The following FSHR variants were observed in gnomAD, a reference collection of about 807,000 sequenced individuals.
FSHR encodes follicle stimulating hormone receptor, also known as follicle-stimulating hormone receptor.
Under a neutral mutation model 52.1 loss-of-function variants are expected in FSHR, and 46 were observed. The ratio of observed to expected loss-of-function variants is 0.88; its 90% CI spans 0.70 to 1.13. FSHR has a LOEUF of 1.13. Among genes scored for constraint, FSHR ranks in the 50% most tolerant of loss-of-function variants. FSHR has a pLI of 0.00. For synonymous variants in FSHR, 399 were observed against 309.6 expected (o/e 1.29, Z -3.03); for missense variants, 964 against 834.6 (o/e 1.16, Z -1.91).
intron 4 of FSHR, among the ~76,000 whole-genome samples, chr2:49,012,335 T>C (rs993049501): frequency 7.9e-5 from 12 of 152,164 alleles, no homozygotes; most frequent in Admixed American, 6.6e-4. Flanking sequence ...AAATACAATA[T>C]TGACTTAAAA....
intron 1 of FSHR, among the ~76,000 whole-genome samples, chr2:49,147,141 T>C (rs897185289): frequency 6.6e-6 from 1 of 152,082 alleles, no homozygotes; most frequent in African/African-American, 2.4e-5. Context: ...GGTAATGGCA[T>C]GTTCAGGTCA....
At chr2:49,082,886 G>A (rs1408416949) in intron 1 of FSHR, among the ~76,000 whole-genome samples, 2 of 152,104 alleles carry the variant, frequency 1.3e-5, no homozygotes, top group Admixed American at 1.3e-4. Context: ...ACCTGAAAGT[G>A]ACGGGGAGAA....
At chr2:48,971,335 T>G (rs543080588) in intron 8 of FSHR, among the ~76,000 whole-genome samples, 30 of 152,348 alleles carry the variant, frequency 2.0e-4, no homozygotes, top group South Asian at 1.5e-3. Context: ...CTTCTCTGTC[T>G]CAGGCAGCAA....
At chr2:49,043,247 G>T (rs1370310448) in intron 2 of FSHR, among the ~76,000 whole-genome samples, 1 of 151,918 alleles carries the variant, frequency 6.6e-6, no homozygotes, top group Non-Finnish European at 1.5e-5. Context: ...TCCCAGGTGT[G>T]GTTTGCCACT....
At chr2:49,121,673 T>G (rs961354379) in intron 1 of FSHR, among the ~76,000 whole-genome samples, 2 of 152,210 alleles carry the variant, frequency 1.3e-5, no homozygotes, top group Admixed American at 1.3e-4. Flanking sequence ...GGTGCTTATA[T>G]AGACAGCAGC....
At chr2:49,057,644 T>C (rs972912219) in intron 2 of FSHR, among the ~76,000 whole-genome samples, 3 of 152,148 alleles carry the variant, frequency 2.0e-5, no homozygotes, top group Admixed American at 6.5e-5. Flanking sequence ...ATTCTGAAAA[T>C]TGAAGCAGAA....
rs1674339902 is a variant in FSHR at position 48,963,684 on chromosome 2, C to T, written c.1137G>A (p.Gly379=). 1.9e-6 allele frequency: 3 copies of T among 1,614,022 alleles called. No individual in the cohort carries two copies. Among genetic ancestry groups the T allele is most frequent in the Non-Finnish European group, 2.5e-6 (3 of 1,180,026 alleles). The change falls in exon 10 of 10, where the codon GGG becomes GGA. Residue 379 remains glycine, a synonymous_variant. Coordinates refer to ENST00000406846, the MANE Select transcript of FSHR (RefSeq NM_000145.4). ...TTAGGATCACTAGCACTATGATGTT[C>T]CCAGTGATGGCCAGGATGCTGATAA... The part of the protein sequence containing the change: ...IWFISILAIT[G]NIIVLVILTT...
intron 2 of FSHR, among the ~76,000 whole-genome samples, chr2:49,067,645 G>A (rs7568374): frequency 0.35 from 52,474 of 151,948 alleles, 9,703 homozygotes; most frequent in East Asian, 0.49. Context: ...AGAAAACCAT[G>A]TCTTGGGAAA....
At chr2:48,985,380 G>A (rs1431828639) in intron 6 of FSHR, among the ~76,000 whole-genome samples, 1 of 152,064 alleles carries the variant, frequency 6.6e-6, no homozygotes, top group Non-Finnish European at 1.5e-5. Context: ...GCACGAAGCA[G>A]GTCTCTCCTG....
intron 2 of FSHR, among the ~76,000 whole-genome samples, chr2:49,066,933 C>T (rs886144956): frequency 6.6e-6 from 1 of 151,998 alleles, no homozygotes; most frequent in African/African-American, 2.4e-5. Flanking sequence ...TAAAGCTCTC[C>T]CACTCTACTG....
At chr2:49,001,120 A>C (rs563121104) in intron 4 of FSHR, among the ~76,000 whole-genome samples, 1 of 152,226 alleles carries the variant, frequency 6.6e-6, no homozygotes, top group East Asian at 1.9e-4. Flanking sequence ...ACCTGCTCAA[A>C]ATTTCTAGAT....
chr2:48,962,477 G>T lies in FSHR; in HGVS notation c.*256C>A. ...TGAACAAAAGCACTTTGAACATAAC[G>T]TGCAAAAATAACATATATAAGGATA... On this transcript the variant is annotated 3_prime_UTR_variant, in exon 10 of 10. Transcript: ENST00000406846. 2.2e-6 allele frequency: 1 copy of T among 454,670 alleles called. No homozygotes were observed. Among genetic ancestry groups the T allele is most frequent in the Non-Finnish European group, 4.0e-6 (1 of 250,058 alleles). The allele number at this position is 454,670 out of a possible 1,614,324, so 28.2% of individuals were successfully genotyped here. A position where few individuals can be genotyped will look rare whatever the true frequency, so the allele number is the denominator to read the frequency against.
At chr2:49,141,638 T>C (rs1470152190) in intron 1 of FSHR, among the ~76,000 whole-genome samples, 1 of 152,098 alleles carries the variant, frequency 6.6e-6, no homozygotes, top group Non-Finnish European at 1.5e-5. Flanking sequence ...ATCCAAACTA[T>C]GTCGCCAACC....
chr2:48,966,442 C>T (rs552547794), intron 9 of FSHR, among the ~76,000 whole-genome samples: 4 of 152,182 alleles, frequency 2.6e-5, no homozygotes, highest in Admixed American at 2.6e-4. Flanking sequence ...AAGGAAATAT[C>T]AGGTTCAATG....
At chr2:49,120,044 T>G (rs891188747) in intron 1 of FSHR, among the ~76,000 whole-genome samples, 1 of 152,012 alleles carries the variant, frequency 6.6e-6, no homozygotes, top group African/African-American at 2.4e-5. Flanking sequence ...CCAGGGCAGG[T>G]GGATCACTTG....
At chr2:48,975,649 T>A (rs1674954733) in intron 8 of FSHR, among the ~76,000 whole-genome samples, 1 of 152,104 alleles carries the variant, frequency 6.6e-6, no homozygotes, top group East Asian at 1.9e-4. Context: ...AATCTCCTCT[T>A]CTCTTATTTC....
chr2:48,978,111 T>C (rs1377462306), intron 8 of FSHR, among the ~76,000 whole-genome samples: 2 of 152,174 alleles, frequency 1.3e-5, no homozygotes, highest in Non-Finnish European at 2.9e-5. Context: ...TTAGTACTCT[T>C]CATTTTGAGA....
At chr2:49,146,354 C>A (rs146246412) in intron 1 of FSHR, among the ~76,000 whole-genome samples, 72 of 152,060 alleles carry the variant, frequency 4.7e-4, no homozygotes, top group African/African-American at 1.5e-3. Flanking sequence ...ATATAAGGGG[C>A]CTTTCTTTCT....
intron 2 of FSHR, among the ~76,000 whole-genome samples, chr2:49,021,915 A>AGG (rs1667739261): frequency 7.7e-6 from 1 of 129,106 alleles, no homozygotes; most frequent in Admixed American, 8.2e-5. Context: ...AGAGAGAGAG[A>AGG]GAGAGAATGA....
Sources: allele counts gnomAD v4.1 joint callset (sites outside exome capture counted in the v4.1 genomes callset), GRCh38; gene constraint gnomAD v4.1.1; transcripts MANE v1.5; gene names NCBI Gene and HGNC (gene_info 2026-07-23, HGNC 2026-07-21).